MSL2: variants seen among roughly 807,000 people sequenced by gnomAD.
MSL2 encodes the protein MSL complex subunit 2.
Under a neutral mutation model 35.8 loss-of-function variants are expected in MSL2, and 2 were observed. The ratio of observed to expected loss-of-function variants is 0.06; its 90% CI spans 0.02 to 0.18. MSL2 has a LOEUF of 0.18. Ranked by LOEUF, MSL2 falls within the 10% of genes least tolerant of loss-of-function variation. The pLI, the probability that MSL2 is intolerant of heterozygous loss-of-function variation, is 1.00. For missense variants in MSL2, 523 were observed against 706.7 expected, an observed-to-expected ratio of 0.74 and a Z score of 2.95; for synonymous variants, 296 against 255.7, an observed-to-expected ratio of 1.16 and a Z score of -1.50.
intron 1 of MSL2, among the ~76,000 whole-genome samples, chr3:136,160,768 C>A (rs1226142515): frequency 6.6e-6 from 1 of 151,642 alleles, no homozygotes; most frequent in Non-Finnish European, 1.5e-5. Context: ...AAGCAAAAAT[C>A]TGAATAAACA....
intron 1 of MSL2, among the ~76,000 whole-genome samples, chr3:136,191,982 A>G (rs1559975216): frequency 6.6e-6 from 1 of 152,202 alleles, no homozygotes; most frequent in Non-Finnish European, 1.5e-5. Flanking sequence ...AAACACCTAC[A>G]TGTAAGTCAC....
At chr3:136,166,062 TAAAA>T (rs34420183) in intron 1 of MSL2, among the ~76,000 whole-genome samples, 153 of 80,076 alleles carry the variant, frequency 1.9e-3, no homozygotes, top group African/African-American at 6.3e-3. Context: ...TACGTACCAG[TAAAA>T]AAAAAAAAAA....
At position 136,195,874 on chromosome 3, in the gene MSL2, G is replaced by A. The variant is rs1406375224; in HGVS notation, c.-761C>T. On this transcript the variant is annotated 5_prime_UTR_variant, in exon 1 of 2. Transcript: ENST00000309993. ...GGGCCGCCGCCGGCGGGCGGGAGGG[G>A]GCGGGGGGCAAGCCCGGCCGGGCCG... The A allele has an allele frequency of 6.3e-6, 6 of 957,244 alleles. No homozygotes were observed. The highest frequency in any genetic ancestry group is 6.2e-6 in the Non-Finnish European group (5 of 805,346). 59.3% of individuals were successfully genotyped at this position (957,244 alleles called of 1,614,324 possible).
At chr3:136,158,615 T>C (rs1939603088) in intron 1 of MSL2, among the ~76,000 whole-genome samples, 1 of 151,698 alleles carries the variant, frequency 6.6e-6, no homozygotes, top group Admixed American at 6.6e-5. Context: ...GCTGGTGCAG[T>C]AAGGTTCAAA....
chr3:136,176,546 G>A (rs1419866958), intron 1 of MSL2, among the ~76,000 whole-genome samples: 1 of 149,462 alleles, frequency 6.7e-6, no homozygotes, highest in Admixed American at 6.7e-5. Context: ...AAACTTTTCG[G>A]CTGGGCACAG....
rs776558734 is a variant in MSL2, at chr3:136,195,065, C to G, written c.49G>C (p.Val17Leu). ...GGGTCTCCGGGGTCGTAGTTGAGCA[C>G]TAGGCGGCTCGCGGAAATGTAGAGA... ...TALYISASRL[V>L]LNYDPGDPKA... Residue 17 changes from valine (V) to leucine (L), a missense_variant, in exon 1 of 2, where the codon GTG becomes CTG. By Grantham distance (32) the Val-to-Leu change is conservative. Transcript: ENST00000309993. 1.2e-6 allele frequency: 2 copies of G among 1,614,026 alleles called. No individual in the cohort carries two copies. The highest frequency in any genetic ancestry group is 1.7e-6 in the Non-Finnish European group (2 of 1,179,978).
chr3:136,167,225 A>AAG (rs1939877331), intron 1 of MSL2, among the ~76,000 whole-genome samples: 1 of 152,200 alleles, frequency 6.6e-6, no homozygotes, highest in African/African-American at 2.4e-5. Flanking sequence ...CATGAACAAC[A>AAG]AGAGACTTTA....
At chr3:136,187,426 G>A (rs1330427082) in intron 1 of MSL2, among the ~76,000 whole-genome samples, 4 of 152,094 alleles carry the variant, frequency 2.6e-5, no homozygotes, top group Admixed American at 2.0e-4. Flanking sequence ...ACTTTGGGAG[G>A]TCGAGGTGGG....
rs925082750 is a variant in MSL2, at chr3:136,195,719, T to G, written c.-606A>C. The G allele has an allele frequency of 4.4e-5, 43 of 983,262 alleles. No individual in the cohort carries two copies. Among genetic ancestry groups the G allele is most frequent in the Non-Finnish European group, 4.9e-5 (41 of 829,414 alleles). The allele number at this position is 983,262 out of a possible 1,614,324, so 60.9% of individuals were successfully genotyped here. A position where few individuals can be genotyped will look rare whatever the true frequency, so the allele number is the denominator to read the frequency against. On this transcript the variant is annotated 5_prime_UTR_variant, in exon 1 of 2. Transcript: ENST00000309993. ...GCTGGCGGACGCCGCCGCCGCGCTC[T>G]CCATATCGGACGCGGGGCCCAGACT...
chr3:136,166,010 CCTA>C (rs1182957344), intron 1 of MSL2, among the ~76,000 whole-genome samples: 2 of 145,272 alleles, frequency 1.4e-5, no homozygotes, highest in African/African-American at 2.6e-5. Context: ...AATACATACA[CCTA>C]CTATGTACCC....
chr3:136,194,059 C>A (rs1288530419), intron 1 of MSL2, among the ~76,000 whole-genome samples: 1 of 152,186 alleles, frequency 6.6e-6, no homozygotes, highest in Non-Finnish European at 1.5e-5. Flanking sequence ...CAGGTTCTGA[C>A]TAAACAAGTG....
intron 1 of MSL2, among the ~76,000 whole-genome samples, chr3:136,167,941 T>G (rs142787967): frequency 0.01 from 1,524 of 152,274 alleles, 29 homozygotes; most frequent in African/African-American, 0.033. Flanking sequence ...TTTTCCGCTT[T>G]TATTGACGAG....
At chr3:136,178,532 C>CTTT (rs1180948007) in intron 1 of MSL2, among the ~76,000 whole-genome samples, 3 of 134,870 alleles carry the variant, frequency 2.2e-5, no homozygotes, top group Non-Finnish European at 3.2e-5. Context: ...TTTACTGGCA[C>CTTT]TTTTTTTTTT....
chr3:136,166,444 G>T (rs1167785190), intron 1 of MSL2, among the ~76,000 whole-genome samples: 1 of 144,326 alleles, frequency 6.9e-6, no homozygotes, highest in East Asian at 2.0e-4. Context: ...CCACCAAAAA[G>T]AAAAAAAAAA....
chr3:136,170,877 C>CT (rs1940005766), intron 1 of MSL2, among the ~76,000 whole-genome samples: 1 of 151,978 alleles, frequency 6.6e-6, no homozygotes, highest in South Asian at 2.1e-4. Flanking sequence ...AGGGGGATAC[C>CT]TTTTTAATTT....
At chr3:136,179,135 G>A (rs1403360827) in intron 1 of MSL2, among the ~76,000 whole-genome samples, 1 of 151,840 alleles carries the variant, frequency 6.6e-6, no homozygotes, top group African/African-American at 2.4e-5. Context: ...CAGTCTTAGT[G>A]TAATGGTCAT....
intron 1 of MSL2, among the ~76,000 whole-genome samples, chr3:136,181,896 G>C (rs908047374): frequency 1.3e-5 from 2 of 150,770 alleles, no homozygotes; most frequent in African/African-American, 4.9e-5. Context: ...TCCAGCCTCG[G>C]CAACAGAGTG....
chr3:136,156,791 C>G (rs1193673499), intron 1 of MSL2, among the ~76,000 whole-genome samples: 2 of 152,100 alleles, frequency 1.3e-5, no homozygotes, highest in Non-Finnish European at 2.9e-5. Flanking sequence ...GGAGGCGGAG[C>G]TTGCAGTGAG....
chr3:136,191,839 T>C (rs1403034678), intron 1 of MSL2, among the ~76,000 whole-genome samples: 2 of 152,032 alleles, frequency 1.3e-5, no homozygotes, highest in Admixed American at 6.5e-5. Context: ...AGAAACAAAC[T>C]TGAAGAAGAT....
Sources: allele counts gnomAD v4.1 joint callset (sites outside exome capture counted in the v4.1 genomes callset), GRCh38; gene constraint gnomAD v4.1.1; transcripts MANE v1.5; gene names NCBI Gene and HGNC (gene_info 2026-07-23, HGNC 2026-07-21).